Variants in RBFOX3 observed in about 807,000 individuals in gnomAD.
RBFOX3 encodes the protein RNA binding fox-1 homolog 3.
RBFOX3 carries 17 observed loss-of-function variants against 48.7 expected under a neutral mutation model. The observed-to-expected ratio is 0.35, with a 90% CI of 0.24 to 0.52. RBFOX3 has a LOEUF of 0.52. RBFOX3 is among the 20% of genes least tolerant of loss of function. The pLI, the probability that RBFOX3 is intolerant of heterozygous loss-of-function variation, is 0.94. For synonymous variants in RBFOX3, 212 were observed against 209.5 expected (o/e 1.01, Z -0.10); for missense variants, 382 against 497.5 (o/e 0.77, Z 2.21).
the RBFOX3 span, among the ~76,000 whole-genome samples, chr17:79,622,649 T>A: frequency 6.6e-6 from 1 of 152,208 alleles, no homozygotes; most frequent in African/African-American, 2.4e-5. Context: ...GCCGTCCCCA[T>A]GTGGCCTGCA....
rs2081481639 is a variant in RBFOX3, at chr17:79,338,111, G to A, written c.-174-30287C>T. On this transcript the variant is annotated intron_variant, in intron 2 of 14. Coordinates refer to ENST00000693108, the MANE Select transcript of RBFOX3 (RefSeq NM_001350451.2). ...CTGCCACCATGCCCGGATAATTTTTGTAATTTTAATAGAGACGGGGTTTCA... is the reference window on the plus strand; with the variant it reads ...CTGCCACCATGCCCGGATAATTTTTATAATTTTAATAGAGACGGGGTTTCA... 2.0e-5 allele frequency among the ~76,000 whole-genome samples: 3 copies of A among 152,032 alleles called. No homozygotes were observed. In the South Asian group the frequency reaches 6.2e-4, roughly 32 times the overall value.
At chr17:79,446,860 G>T (rs2072418960) in intron 2 of RBFOX3, among the ~76,000 whole-genome samples, 1 of 152,156 alleles carries the variant, frequency 6.6e-6, no homozygotes, top group Non-Finnish European at 1.5e-5. Context: ...CATCACAGAT[G>T]TAACACCACG....
chr17:79,512,931 G>A (rs1189538017), intron 1 of RBFOX3, among the ~76,000 whole-genome samples: 1 of 146,672 alleles, frequency 6.8e-6, no homozygotes, highest in Non-Finnish European at 1.5e-5. Flanking sequence ...GCAGATACAT[G>A]TTACCATCGG....
chr17:79,654,643 C>T, the RBFOX3 span, among the ~76,000 whole-genome samples: 1 of 152,182 alleles, frequency 6.6e-6, no homozygotes, highest in Non-Finnish European at 1.5e-5. Flanking sequence ...AACAAAATGA[C>T]CTGATTTCCA....
In RBFOX3 at chr17:79,186,404, G is replaced by A. The variant is rs557546260; in HGVS notation, c.-34+49362C>T. On this transcript the variant is annotated intron_variant, in intron 4 of 14. Coordinates refer to ENST00000693108, the MANE Select transcript of RBFOX3 (RefSeq NM_001350451.2). The stretch of plus-strand genomic sequence containing the variant: ...CGCTGTGATCGTTTCAGAGTGTCGC[G>A]CAGGCCTGACTCTGCGGACCCCACC... 1.0e-3 allele frequency among the ~76,000 whole-genome samples: 158 copies of A among 152,342 alleles called. 3 individuals carry two copies. The highest frequency in any genetic ancestry group is 1.3e-3 in the Admixed American group (20 of 15,302).
the RBFOX3 span, among the ~76,000 whole-genome samples, chr17:79,662,129 A>ATTTTTTTTTTTTTTTTTTT: frequency 6.9e-5 from 1 of 14,488 alleles, no homozygotes; most frequent in Admixed American, 1.2e-3. Flanking sequence ...CTTCCTGTTT[A>ATTTTTTTTTTTTTTTTTTT]TTCTTTTTTT....
intron 1 of RBFOX3, among the ~76,000 whole-genome samples, chr17:79,582,968 C>T (rs2093127579): frequency 1.3e-5 from 2 of 152,132 alleles, no homozygotes; most frequent in African/African-American, 4.8e-5. Flanking sequence ...GCCTCTGGTG[C>T]CCACTTCCGC....
intron 4 of RBFOX3, among the ~76,000 whole-genome samples, chr17:79,184,758 T>A (rs2053053581): frequency 6.6e-6 from 1 of 152,224 alleles, no homozygotes; most frequent in Admixed American, 6.5e-5. Flanking sequence ...CTGCAGACAG[T>A]GAGCCCTGAG....
intron 14 of RBFOX3, among the ~76,000 whole-genome samples, chr17:79,091,266 C>T (rs537808702): frequency 6.6e-6 from 1 of 152,356 alleles, no homozygotes; most frequent in African/African-American, 2.4e-5. Context: ...GGCAGGACTT[C>T]AGCCCTCACT....
intron 3 of RBFOX3, among the ~76,000 whole-genome samples, chr17:79,279,993 T>A (rs1014747544): frequency 6.6e-6 from 1 of 152,012 alleles, no homozygotes; most frequent in African/African-American, 2.4e-5. Flanking sequence ...TCTAAAATAG[T>A]AATGGGTAGT....
intron 4 of RBFOX3, among the ~76,000 whole-genome samples, chr17:79,167,870 C>T (rs564459971): frequency 1.3e-5 from 2 of 152,304 alleles, no homozygotes; most frequent in Admixed American, 6.5e-5. Flanking sequence ...CATCCGGGAC[C>T]CTCCAGGGGA....
chr17:79,652,613 A>AG, the RBFOX3 span, among the ~76,000 whole-genome samples: 1 of 150,480 alleles, frequency 6.6e-6, no homozygotes, highest in Non-Finnish European at 1.5e-5. Context: ...AAAGGAAAGG[A>AG]AAGGAAAGGG....
chr17:79,525,333 A>G (rs1370967676), intron 1 of RBFOX3, among the ~76,000 whole-genome samples: 2 of 152,134 alleles, frequency 1.3e-5, no homozygotes, highest in African/African-American at 4.8e-5. Flanking sequence ...AAACTAAAGC[A>G]CCACAGGCAC....
intron 1 of RBFOX3, among the ~76,000 whole-genome samples, chr17:79,512,807 CA>C (rs1355604805): frequency 2.0e-5 from 3 of 146,506 alleles, no homozygotes; most frequent in Non-Finnish European, 4.6e-5. Context: ...GCCCCATGGC[CA>C]GGGGACGCAC....
chr17:79,241,656 G>A (rs575828009), intron 3 of RBFOX3, among the ~76,000 whole-genome samples: 154 of 152,308 alleles, frequency 1.0e-3, no homozygotes, highest in African/African-American at 3.5e-3. Flanking sequence ...TGGCTGCCAT[G>A]ATAATACCAT....
In RBFOX3 at chr17:79,101,752, C is replaced by T. The variant is rs2076481327; in HGVS notation, c.508-108G>A. 3 of 957,970 alleles carry T rather than the reference C, an allele frequency of 3.1e-6. No individual in the cohort carries two copies. The South Asian group carries it at 4.2e-5, about 13-fold the overall frequency. 59.3% of individuals were successfully genotyped at this position (957,970 alleles called of 1,614,324 possible). A position where few individuals can be genotyped will look rare whatever the true frequency, so the allele number is the denominator to read the frequency against. On this transcript the variant is annotated intron_variant, in intron 8 of 14. Coordinates refer to ENST00000693108, the MANE Select transcript of RBFOX3 (RefSeq NM_001350451.2). ...CCGTTAGCCCCCGGCACCCCCCGCC[C>T]CAGCCTCCTCTCTCCACCATGCTGC... is the stretch of plus-strand genomic sequence containing the variant.
intron 4 of RBFOX3, among the ~76,000 whole-genome samples, chr17:79,168,261 C>T (rs1040908854): frequency 5.3e-5 from 8 of 152,316 alleles, no homozygotes; most frequent in East Asian, 1.9e-4. Context: ...AGGGAACCTG[C>T]GACCAGTGCC....
At chr17:79,432,949 G>A (rs1173363821) in intron 2 of RBFOX3, among the ~76,000 whole-genome samples, 1 of 152,172 alleles carries the variant, frequency 6.6e-6, no homozygotes, top group Non-Finnish European at 1.5e-5. Context: ...TTAGAATCCG[G>A]TCGCTCTCCT....
At chr17:79,228,812 G>A (rs779344995) in intron 4 of RBFOX3, among the ~76,000 whole-genome samples, 37 of 152,132 alleles carry the variant, frequency 2.4e-4, no homozygotes, top group African/African-American at 8.2e-4. Context: ...GTCCAAACAC[G>A]TGTGCGCATA....
Sources: allele counts gnomAD v4.1 joint callset (sites outside exome capture counted in the v4.1 genomes callset), GRCh38; gene constraint gnomAD v4.1.1; transcripts MANE v1.5; gene names NCBI Gene and HGNC (gene_info 2026-07-23, HGNC 2026-07-21).